C1QTNF3: variants seen among roughly 807,000 people sequenced by gnomAD.
The protein encoded by C1QTNF3 is C1q and TNF related 3.
C1QTNF3 carries 26 observed loss-of-function variants against 32.6 expected under a neutral mutation model. The observed-to-expected ratio is 0.80, with a 90% CI of 0.58 to 1.11. C1QTNF3 has a LOEUF of 1.11. Ranked by LOEUF, C1QTNF3 falls within the 50% of genes least tolerant of loss-of-function variation. C1QTNF3 has a pLI of 0.00. For missense variants in C1QTNF3, 362 were observed against 398.2 expected, an observed-to-expected ratio of 0.91 and a Z score of 0.77; for synonymous variants, 155 against 146.0, an observed-to-expected ratio of 1.06 and a Z score of -0.44.
the C1QTNF3 span, among the ~76,000 whole-genome samples, chr5:34,064,761 T>C: frequency 5.9e-5 from 9 of 152,128 alleles, no homozygotes; most frequent in African/African-American, 1.9e-4. Context: ...CAAGATTTAA[T>C]AGAATAAAAA....
the C1QTNF3 span, among the ~76,000 whole-genome samples, chr5:34,145,504 C>T: frequency 1.3e-5 from 2 of 151,540 alleles, no homozygotes; most frequent in African/African-American, 2.4e-5. Flanking sequence ...AAAAAACCTA[C>T]CAACCAAAAA....
At chr5:34,126,191 T>C in the C1QTNF3 span, among the ~76,000 whole-genome samples, 2 of 152,216 alleles carry the variant, frequency 1.3e-5, no homozygotes, top group Non-Finnish European at 2.9e-5. Context: ...ATTTACATTC[T>C]ATAAATTATC....
the C1QTNF3 span, among the ~76,000 whole-genome samples, chr5:34,110,645 A>C: frequency 6.6e-6 from 1 of 152,226 alleles, no homozygotes. Flanking sequence ...CAAAAATTGC[A>C]GAGACTCTCT....
chr5:34,170,363 A>C, the C1QTNF3 span, among the ~76,000 whole-genome samples: 1 of 152,140 alleles, frequency 6.6e-6, no homozygotes, highest in African/African-American at 2.4e-5. Context: ...TGTTCAATAT[A>C]GTGCCAATAG....
chr5:34,091,318 A>T, the C1QTNF3 span, among the ~76,000 whole-genome samples: 3 of 152,276 alleles, frequency 2.0e-5, no homozygotes, highest in Admixed American at 1.3e-4. Flanking sequence ...GATAAATGTG[A>T]CCTACACAAC....
At chr5:34,159,398 A>C in the C1QTNF3 span, among the ~76,000 whole-genome samples, 1 of 152,076 alleles carries the variant, frequency 6.6e-6, no homozygotes, top group Non-Finnish European at 1.5e-5. Flanking sequence ...ATAATATGCA[A>C]ATAAGTGATT....
At chr5:34,095,192 A>G in the C1QTNF3 span, among the ~76,000 whole-genome samples, 1 of 151,874 alleles carries the variant, frequency 6.6e-6, no homozygotes, top group Non-Finnish European at 1.5e-5. Context: ...TATTATTTCT[A>G]TCTGACTGTG....
chr5:34,103,849 C>G, the C1QTNF3 span, among the ~76,000 whole-genome samples: 1 of 151,514 alleles, frequency 6.6e-6, no homozygotes, highest in South Asian at 2.1e-4. Context: ...AGTCAAATCA[C>G]GTTTTATATA....
the C1QTNF3 span, among the ~76,000 whole-genome samples, chr5:34,056,505 G>T: frequency 6.5e-5 from 9 of 139,180 alleles, no homozygotes; most frequent in South Asian, 2.4e-4. Flanking sequence ...GAGAGAGAGA[G>T]AGAGAGAGAG....
chr5:34,055,090 T>C, the C1QTNF3 span, among the ~76,000 whole-genome samples: 1 of 152,166 alleles, frequency 6.6e-6, no homozygotes, highest in Non-Finnish European at 1.5e-5. Context: ...AGGAAACTAA[T>C]CAATTTATTT....
the C1QTNF3 span, among the ~76,000 whole-genome samples, chr5:34,106,596 G>T: frequency 8.3e-6 from 1 of 120,496 alleles, no homozygotes; most frequent in African/African-American, 3.3e-5. Flanking sequence ...ATGTATGATG[G>T]TATGATATAT....
the C1QTNF3 span, among the ~76,000 whole-genome samples, chr5:34,147,876 G>A: frequency 1.3e-5 from 2 of 152,196 alleles, no homozygotes; most frequent in Non-Finnish European, 2.9e-5. Flanking sequence ...AATAGGAACA[G>A]CTCCGGTCTA....
At chr5:34,158,595 A>AATTATGTAG in the C1QTNF3 span, 46 of 152,160 alleles carry the variant, frequency 3.0e-4, no homozygotes, top group Admixed American at 2.1e-3. Context: ...TTCATATAAT[A>AATTATGTAG]ATTATGTAGT....
chr5:34,174,979 C>T, the C1QTNF3 span, among the ~76,000 whole-genome samples: 1 of 151,534 alleles, frequency 6.6e-6, no homozygotes, highest in South Asian at 2.1e-4. Flanking sequence ...GATCTCCTGA[C>T]CTCATGATCT....
At chr5:34,183,362 ACT>A in the C1QTNF3 span, among the ~76,000 whole-genome samples, 1 of 120,956 alleles carries the variant, frequency 8.3e-6, no homozygotes, top group Non-Finnish European at 1.6e-5. Context: ...ATGGAGTCTC[ACT>A]CTGTCACCCA....
the C1QTNF3 span, among the ~76,000 whole-genome samples, chr5:34,223,359 T>C: frequency 6.6e-6 from 1 of 150,520 alleles, no homozygotes; most frequent in Non-Finnish European, 1.5e-5. Flanking sequence ...TCATCATTTT[T>C]TATGGCTGCA....
At chr5:34,178,292 A>G in the C1QTNF3 span, among the ~76,000 whole-genome samples, 1,084 of 152,260 alleles carry the variant, frequency 7.1e-3, 15 homozygotes, top group African/African-American at 0.025. Context: ...AGGAGAAAGA[A>G]TTCAGAGCTG....
the C1QTNF3 span, among the ~76,000 whole-genome samples, chr5:34,226,506 G>C: frequency 2.0e-5 from 3 of 151,648 alleles, no homozygotes; most frequent in South Asian, 6.3e-4. Flanking sequence ...AAAGTTGATA[G>C]TGTCACTAGA....
the C1QTNF3 span, among the ~76,000 whole-genome samples, chr5:34,062,423 T>A: frequency 6.6e-6 from 1 of 152,242 alleles, no homozygotes; most frequent in Non-Finnish European, 1.5e-5. Context: ...GATTAAGTCC[T>A]TTTGGGTACA....
Sources: gnomAD v4.1 joint callset for allele counts (sites outside exome capture counted in the v4.1 genomes callset) on GRCh38, gnomAD v4.1.1 for gene constraint, MANE v1.5 for transcripts, NCBI Gene and HGNC (gene_info 2026-07-23, HGNC 2026-07-21) for gene names.